STAB2: variants seen among roughly 807,000 people sequenced by gnomAD.
STAB2 encodes stabilin-2.
In STAB2, 288 loss-of-function variants were observed where a neutral mutation model predicts 338.1. That is an observed-to-expected ratio of 0.85 (90% CI 0.77 to 0.94). STAB2 has a LOEUF of 0.94. Among genes scored for constraint, STAB2 ranks in the 40% least tolerant of loss-of-function variants. The pLI, the probability that STAB2 is intolerant of heterozygous loss-of-function variation, is 0.00. For missense variants in STAB2, 3,141 were observed against 3,210.1 expected, an observed-to-expected ratio of 0.98 and a Z score of 0.52; for synonymous variants, 1,202 against 1,193.3, an observed-to-expected ratio of 1.01 and a Z score of -0.15.
intron 34 of STAB2, among the ~76,000 whole-genome samples, chr12:103,699,914 G>C (rs1878714341): frequency 1.3e-5 from 2 of 152,224 alleles, no homozygotes; most frequent in Admixed American, 1.3e-4. Context: ...CCGTGCCTAG[G>C]ATGGGAGGGA....
At chr12:103,623,736 G>A (rs1003547017) in intron 5 of STAB2, among the ~76,000 whole-genome samples, 1 of 152,334 alleles carries the variant, frequency 6.6e-6, no homozygotes, top group South Asian at 2.1e-4. Context: ...GACACTAGGT[G>A]TGTGGCAATG....
Position 103,742,569 on chromosome 12 carries a change from T to G in STAB2, c.6031+15T>G, listed in dbSNP as rs751848854. On this transcript the variant is annotated intron_variant, in intron 56 of 68. Transcript: ENST00000388887. Reference sequence around the variant, plus strand: ...TGATTGTCTGCGTATGTGGCGCCGCTTCTCCGTGCTAGAGCTTGTTTTTTG... The same window carrying G: ...TGATTGTCTGCGTATGTGGCGCCGCGTCTCCGTGCTAGAGCTTGTTTTTTG... The G allele has an allele frequency of 1.7e-5, 27 of 1,613,952 alleles. No individual in the cohort carries two copies. Among genetic ancestry groups the G allele is most frequent in the Admixed American group, 1.0e-4 (6 of 59,986 alleles).
intron 38 of STAB2, among the ~76,000 whole-genome samples, chr12:103,708,116 AG>A (rs1879529817): frequency 6.6e-6 from 1 of 152,174 alleles, no homozygotes; most frequent in Non-Finnish European, 1.5e-5. Flanking sequence ...TTCCAATCAA[AG>A]GAGCCCTGCA....
At chr12:103,742,935 G>A (rs1311833633) in intron 56 of STAB2, among the ~76,000 whole-genome samples, 1 of 152,092 alleles carries the variant, frequency 6.6e-6, no homozygotes, top group African/African-American at 2.4e-5. Context: ...CTTTGAGATA[G>A]GTACTGTTAT....
At chr12:103,648,925 T>C in intron 10 of STAB2, 102 bp downstream of exon 10, 1 of 1,493,466 alleles carries the variant, frequency 6.7e-7, no homozygotes, top group Non-Finnish European at 9.0e-7. Context: ...GCCTTGTCTA[T>C]TAGAATCAGC....
intron 9 of STAB2, among the ~76,000 whole-genome samples, chr12:103,642,845 C>T (rs1464899101): frequency 6.6e-6 from 1 of 152,206 alleles, no homozygotes; most frequent in Non-Finnish European, 1.5e-5. Context: ...AGACCATTCC[C>T]AGGGTATGGA....
chr12:103,682,504 GC>G (rs1190204299), intron 25 of STAB2, among the ~76,000 whole-genome samples: 1 of 152,198 alleles, frequency 6.6e-6, no homozygotes, highest in Non-Finnish European at 1.5e-5. Flanking sequence ...TGCCTTACAG[GC>G]TAGCAATGGC....
chr12:103,605,101 C>T (rs1349202743), intron 3 of STAB2, among the ~76,000 whole-genome samples: 1 of 151,678 alleles, frequency 6.6e-6, no homozygotes, highest in Non-Finnish European at 1.5e-5. Context: ...TCTTTGAAAT[C>T]GGTTACTTTT....
At chr12:103,716,272 G>A (rs1204236310) in intron 43 of STAB2, among the ~76,000 whole-genome samples, 1 of 152,144 alleles carries the variant, frequency 6.6e-6, no homozygotes, top group Non-Finnish European at 1.5e-5. Flanking sequence ...ATAATACTGT[G>A]GGCACTCTAC....
intron 10 of STAB2, among the ~76,000 whole-genome samples, chr12:103,649,750 C>T (rs1309077555): frequency 2.0e-5 from 3 of 152,150 alleles, no homozygotes; most frequent in Non-Finnish European, 4.4e-5. Flanking sequence ...AGTGGCATCC[C>T]TTGGGCTCAG....
intron 51 of STAB2, among the ~76,000 whole-genome samples, chr12:103,734,020 T>C (rs1205619427): frequency 1.4e-5 from 2 of 145,206 alleles, no homozygotes; most frequent in Non-Finnish European, 3.0e-5. Flanking sequence ...GCAAGCATGA[T>C]CATATAGGAA....
intron 3 of STAB2, among the ~76,000 whole-genome samples, chr12:103,609,203 G>T (rs1351585841): frequency 6.6e-6 from 1 of 152,202 alleles, no homozygotes; most frequent in Non-Finnish European, 1.5e-5. Context: ...CTTTAAAGTA[G>T]TTTTTTCCAA....
chr12:103,679,922 A>G (rs1031953278), intron 25 of STAB2, among the ~76,000 whole-genome samples: 6 of 152,244 alleles, frequency 3.9e-5, no homozygotes, highest in South Asian at 2.1e-4. Context: ...TGGTATATGT[A>G]TACAATGGAA....
chr12:103,625,373 T>A lies in STAB2; in HGVS notation c.487+3262T>A, dbSNP rs866162455. On this transcript the variant is annotated intron_variant, in intron 5 of 68. Transcript: ENST00000388887. ...ATGGTCTCAACACCTAAATTTTTTTTTTATACTTTAAGTTTTAGGGTACAC... is the reference window on the plus strand; with the variant it reads ...ATGGTCTCAACACCTAAATTTTTTTATTATACTTTAAGTTTTAGGGTACAC... Among the ~76,000 whole-genome samples, 8 of 152,358 alleles carry A rather than the reference T, an allele frequency of 5.3e-5. No individual in the cohort carries two copies. The South Asian group carries it at 1.7e-3, about 32-fold the overall frequency.
intron 67 of STAB2, among the ~76,000 whole-genome samples, chr12:103,762,881 T>C (rs1482116819): frequency 6.6e-6 from 1 of 152,182 alleles, no homozygotes; most frequent in African/African-American, 2.4e-5. Context: ...CACATCCCAA[T>C]CAGCAGCCAG....
rs557744481 is a variant in STAB2 at position 103,668,785 on chromosome 12, G to A, written c.2172+56G>A. On this transcript the variant is annotated intron_variant, in intron 20 of 68. Transcript: ENST00000388887. ...GGCCAGTAGGGCCAGGCAGCTCCAG[G>A]GCCATGCTCTTGGGTCCTAGGGTCC... The A allele has an allele frequency of 1.2e-5, 17 of 1,462,776 alleles. No individual in the cohort carries two copies. In the South Asian group the frequency reaches 2.3e-4, roughly 19 times the overall value. 90.6% of individuals were successfully genotyped at this position (1,462,776 alleles called of 1,614,324 possible).
At chr12:103,667,726 A>G (rs1477668371) in intron 19 of STAB2, among the ~76,000 whole-genome samples, 2 of 152,218 alleles carry the variant, frequency 1.3e-5, no homozygotes, top group Non-Finnish European at 2.9e-5. Context: ...AGGATTTTAT[A>G]GCCTAGGAAA....
intron 50 of STAB2, 127 bp downstream of exon 50, chr12:103,731,762 C>T: frequency 1.1e-6 from 1 of 882,162 alleles, no homozygotes; most frequent in South Asian, 1.7e-5. Context: ...ATGGGGAAGT[C>T]TCAGTTTTCT....
rs1425666280 is a variant in STAB2 at position 103,758,217 on chromosome 12, A to G, written c.7035A>G (p.Leu2345=). 3 of 1,614,078 alleles carry G rather than the reference A, an allele frequency of 1.9e-6. No individual in the cohort carries two copies. In the African/African-American group the frequency reaches 4.0e-5, roughly 22 times the overall value. The change falls in exon 64 of 69, where the codon CTA becomes CTG. Residue 2345 remains leucine, a synonymous_variant. Coordinates refer to ENST00000388887, the MANE Select transcript of STAB2 (RefSeq NM_017564.10). ...GCTCAGCTCGAGGCCGTGCATTTCT[A>G]GAACACCTGACTGACCTGTCCATCC... is the stretch of plus-strand genomic sequence containing the variant. ...SNSSARGRAF[L]EHLTDLSIRG... is the part of the protein sequence containing the mutation.
Sources: allele counts gnomAD v4.1 joint callset (sites outside exome capture counted in the v4.1 genomes callset), GRCh38; gene constraint gnomAD v4.1.1; transcripts MANE v1.5; gene names NCBI Gene and HGNC (gene_info 2026-07-23, HGNC 2026-07-21).